RAP1GDS1: variants seen among roughly 807,000 people sequenced by gnomAD.
The protein encoded by RAP1GDS1 is Rap1 GTPase-GDP dissociation stimulator 1.
In RAP1GDS1, 35 loss-of-function variants were observed where a neutral mutation model predicts 71.1. That is an observed-to-expected ratio of 0.49 (90% CI 0.38 to 0.65). The LOEUF is 0.65. Ranked by LOEUF, RAP1GDS1 falls within the 30% of genes least tolerant of loss-of-function variation. RAP1GDS1 has a pLI of 0.00. For synonymous variants in RAP1GDS1, 229 were observed against 243.1 expected, an observed-to-expected ratio of 0.94 and a Z score of 0.54; for missense variants, 663 against 706.1, an observed-to-expected ratio of 0.94 and a Z score of 0.69.
intron 2 of RAP1GDS1, among the ~76,000 whole-genome samples, chr4:98,312,455 A>G (rs1560816015): frequency 6.6e-6 from 1 of 152,078 alleles, no homozygotes; most frequent in Non-Finnish European, 1.5e-5. Flanking sequence ...AATCCTCTGT[A>G]TTTGGTGATA....
chr4:98,266,750 A>G (rs1392520079), intron 1 of RAP1GDS1, among the ~76,000 whole-genome samples: 3 of 152,292 alleles, frequency 2.0e-5, no homozygotes, highest in Admixed American at 6.5e-5. Context: ...CTTGGTAGTC[A>G]TATTCTGAAG....
intron 4 of RAP1GDS1, among the ~76,000 whole-genome samples, chr4:98,354,394 T>C (rs1737660646): frequency 6.6e-6 from 1 of 152,246 alleles, no homozygotes; most frequent in African/African-American, 2.4e-5. Flanking sequence ...TTCATTTTAG[T>C]TGTTCTTGAA....
intron 7 of RAP1GDS1, among the ~76,000 whole-genome samples, chr4:98,411,410 T>A (rs1747044788): frequency 6.6e-6 from 1 of 151,954 alleles, no homozygotes; most frequent in South Asian, 2.1e-4. Context: ...GAGCCAGGAG[T>A]TCAAGACCAA....
intron 1 of RAP1GDS1, among the ~76,000 whole-genome samples, chr4:98,264,215 A>T (rs535022645): frequency 2.4e-4 from 36 of 152,014 alleles, no homozygotes; most frequent in Non-Finnish European, 3.8e-4. Flanking sequence ...ACATGGTAAA[A>T]CCCTGTCTCT....
At chr4:98,429,298 A>G (rs1000489530) in intron 12 of RAP1GDS1, among the ~76,000 whole-genome samples, 1 of 151,834 alleles carries the variant, frequency 6.6e-6, no homozygotes, top group African/African-American at 2.4e-5. Context: ...ATGTGTATAT[A>G]TATATATGAT....
chr4:98,332,273 C>T (rs1157608670), intron 2 of RAP1GDS1, among the ~76,000 whole-genome samples: 4 of 152,126 alleles, frequency 2.6e-5, no homozygotes, highest in East Asian at 1.9e-4. Flanking sequence ...CAGGGGAACA[C>T]GTGGATCTTA....
intron 3 of RAP1GDS1, among the ~76,000 whole-genome samples, chr4:98,343,882 C>T (rs1251306388): frequency 6.6e-6 from 1 of 152,124 alleles, no homozygotes; most frequent in Non-Finnish European, 1.5e-5. Context: ...TTGAGAAAAA[C>T]ACTGAATTCC....
intron 3 of RAP1GDS1, among the ~76,000 whole-genome samples, chr4:98,346,840 G>A (rs925606680): frequency 4.6e-5 from 7 of 152,202 alleles, no homozygotes; most frequent in Non-Finnish European, 7.4e-5. Context: ...CACTGCGCCC[G>A]GCCAGTACTT....
chr4:98,307,253 G>A (rs992331251), intron 2 of RAP1GDS1, among the ~76,000 whole-genome samples: 15 of 151,196 alleles, frequency 9.9e-5, no homozygotes, highest in African/African-American at 3.2e-4. Context: ...GTTTTTTTCT[G>A]TCCCATTAAT....
intron 2 of RAP1GDS1, among the ~76,000 whole-genome samples, chr4:98,338,837 A>G (rs114731694): frequency 4.7e-4 from 71 of 152,322 alleles, no homozygotes; most frequent in African/African-American, 1.3e-3. Context: ...CATGAAACCT[A>G]TATGATAATA....
chr4:98,401,013 CA>C (rs1256980447), intron 6 of RAP1GDS1, among the ~76,000 whole-genome samples: 4 of 151,954 alleles, frequency 2.6e-5, no homozygotes, highest in Admixed American at 2.0e-4. Flanking sequence ...TGGGTTCCAC[CA>C]AAACAAGGGA....
In RAP1GDS1 at chr4:98,416,335, T is replaced by G. The variant is rs1030141829; in HGVS notation, c.764-410T>G. On this transcript the variant is annotated intron_variant, in intron 7 of 14. Transcript: ENST00000408927. ...TTATCTAAATCATGCATTTTCTTAG[T>G]TTTTTTTTTTTTTTTTTTTTTTTTT... Among the ~76,000 whole-genome samples, 54 of 55,080 alleles carry G rather than the reference T, an allele frequency of 9.8e-4. 1 individual carries two copies. The highest frequency in any genetic ancestry group is 7.0e-4 in the South Asian group (1 of 1,432). 36.1% of individuals were successfully genotyped at this position (55,080 alleles called of 152,430 possible). A position where few individuals can be genotyped will look rare whatever the true frequency, so the allele number is the denominator to read the frequency against.
At chr4:98,289,372 T>G (rs1268581023) in intron 1 of RAP1GDS1, among the ~76,000 whole-genome samples, 1 of 151,866 alleles carries the variant, frequency 6.6e-6, no homozygotes, top group Non-Finnish European at 1.5e-5. Flanking sequence ...ATGTGGAAAA[T>G]GCACAGAAAG....
intron 1 of RAP1GDS1, among the ~76,000 whole-genome samples, chr4:98,272,836 C>G (rs1341566116): frequency 1.3e-5 from 2 of 152,138 alleles, no homozygotes. Context: ...ACGTCACAAT[C>G]TGATCGAGAA....
At chr4:98,390,488 G>T (rs1743445175) in intron 5 of RAP1GDS1, among the ~76,000 whole-genome samples, 1 of 151,148 alleles carries the variant, frequency 6.6e-6, no homozygotes, top group African/African-American at 2.4e-5. Flanking sequence ...TCTTATTTTG[G>T]TAATAGGCCC....
intron 7 of RAP1GDS1, 76 bp from the exon 8 acceptor site, chr4:98,416,669 C>CT (rs2110183316): frequency 3.6e-6 from 5 of 1,376,876 alleles, no homozygotes; most frequent in Non-Finnish European, 4.9e-6. Context: ...TCTTATAATT[C>CT]TTTATAATGG....
intron 5 of RAP1GDS1, among the ~76,000 whole-genome samples, chr4:98,383,216 C>G (rs1318243379): frequency 6.6e-6 from 1 of 151,428 alleles, no homozygotes. Context: ...AGGGAAAATT[C>G]TATTATAACT....
intron 1 of RAP1GDS1, among the ~76,000 whole-genome samples, chr4:98,287,226 A>G (rs923946734): frequency 1.3e-5 from 2 of 152,202 alleles, no homozygotes; most frequent in Non-Finnish European, 2.9e-5. Context: ...ACCTAGAACT[A>G]TAAAACTAAC....
chr4:98,307,403 ATACT>A (rs1560807153), intron 2 of RAP1GDS1, among the ~76,000 whole-genome samples: 2 of 152,104 alleles, frequency 1.3e-5, no homozygotes, highest in Non-Finnish European at 2.9e-5. Flanking sequence ...AATTTTGTAA[ATACT>A]TTGTCATGTT....
Sources: gnomAD v4.1 joint callset for allele counts (sites outside exome capture counted in the v4.1 genomes callset) on GRCh38, gnomAD v4.1.1 for gene constraint, MANE v1.5 for transcripts, NCBI Gene and HGNC (gene_info 2026-07-23, HGNC 2026-07-21) for gene names.